The following NEIL3 variants were observed in gnomAD, a reference collection of about 807,000 sequenced individuals.
The protein encoded by NEIL3 is nei like DNA glycosylase 3, also known as endonuclease 8-like 3.
Under a neutral mutation model 57.5 loss-of-function variants are expected in NEIL3, and 48 were observed. The ratio of observed to expected loss-of-function variants is 0.83; its 90% CI spans 0.66 to 1.06. The LOEUF is 1.06. Among genes scored for constraint, NEIL3 ranks in the 50% least tolerant of loss-of-function variants. The pLI, the probability that NEIL3 is intolerant of heterozygous loss-of-function variation, is 0.00. For missense variants in NEIL3, 717 were observed against 739.1 expected (o/e 0.97, Z 0.35); for synonymous variants, 261 against 253.2 (o/e 1.03, Z -0.29).
chr4:177,321,976 T>C (rs887612373), intron 1 of NEIL3, among the ~76,000 whole-genome samples: 6 of 152,246 alleles, frequency 3.9e-5, no homozygotes, highest in African/African-American at 1.4e-4. Context: ...TGACCTTTTA[T>C]TATTTCATAC....
chr4:177,348,978 C>G (rs1212309858), intron 6 of NEIL3, among the ~76,000 whole-genome samples: 1 of 146,970 alleles, frequency 6.8e-6, no homozygotes, highest in South Asian at 2.2e-4. Flanking sequence ...CGCCATTCTC[C>G]TGCCTCAGCC....
At chr4:177,341,859 C>T (rs1735100498) in intron 6 of NEIL3, among the ~76,000 whole-genome samples, 1 of 152,178 alleles carries the variant, frequency 6.6e-6, no homozygotes, top group Non-Finnish European at 1.5e-5. Context: ...GGTGGAAAAT[C>T]TCTGGCTCAG....
At chr4:177,365,524 A>G (rs4690383), downstream of NEIL3, among the ~76,000 whole-genome samples, 33,140 of 152,108 alleles carry the variant, frequency 0.22, 4,398 homozygotes, top group East Asian at 0.7. Flanking sequence ...AACCACCATC[A>G]GTCCCTCCAA....
At chr4:177,317,592 C>CTT (rs1734598609) in intron 1 of NEIL3, among the ~76,000 whole-genome samples, 10 of 79,040 alleles carry the variant, frequency 1.3e-4, no homozygotes, top group South Asian at 3.9e-4. Context: ...TTAGAACTTT[C>CTT]TTTTCTTTTT....
At chr4:177,328,377 C>CAAATGTCCCTCACACG (rs1276577375) in intron 2 of NEIL3, among the ~76,000 whole-genome samples, 1 of 152,090 alleles carries the variant, frequency 6.6e-6, no homozygotes, top group Non-Finnish European at 1.5e-5. Flanking sequence ...CAAACCAAAC[C>CAAATGTCCCTCACACG]AAATGTCCCT....
intron 2 of NEIL3, among the ~76,000 whole-genome samples, chr4:177,332,894 T>G (rs948987108): frequency 2.0e-5 from 3 of 152,200 alleles, no homozygotes; most frequent in African/African-American, 4.8e-5. Context: ...CTGGTTGCGT[T>G]GCAATCTCAT....
chr4:177,314,469 A>T (rs888590389), intron 1 of NEIL3, among the ~76,000 whole-genome samples: 3 of 152,160 alleles, frequency 2.0e-5, no homozygotes, highest in African/African-American at 7.2e-5. Context: ...CAGCATGTAA[A>T]ATTCTTAGCT....
chr4:177,356,304 A>G (rs1020666661), intron 8 of NEIL3, among the ~76,000 whole-genome samples: 1 of 152,216 alleles, frequency 6.6e-6, no homozygotes, highest in Non-Finnish European at 1.5e-5. Flanking sequence ...GCCATTAGTA[A>G]TAGGATCATA....
chr4:177,322,336 T>G, intron 1 of NEIL3, 123 bp from the exon 2 acceptor site: 4 of 1,262,012 alleles, frequency 3.2e-6, no homozygotes, highest in Non-Finnish European at 4.5e-6. Flanking sequence ...TGTTGGAGAT[T>G]ATTCTTCTCA....
At chr4:177,325,332 C>T (rs35955456) in intron 2 of NEIL3, among the ~76,000 whole-genome samples, 32,260 of 151,910 alleles carry the variant, frequency 0.21, 3,722 homozygotes, top group Non-Finnish European at 0.27. Flanking sequence ...TACTTTTACT[C>T]TGTATAATAC....
the NEIL3 span, among the ~76,000 whole-genome samples, chr4:177,369,727 A>C: frequency 1.3e-5 from 2 of 152,188 alleles, no homozygotes; most frequent in Non-Finnish European, 2.9e-5. Context: ...GACCTTGACC[A>C]TACGACCTCG....
chr4:177,351,682 T>C lies in NEIL3; in HGVS notation c.1039+133T>C, dbSNP rs1735356402. On this transcript the variant is annotated intron_variant, in intron 7 of 9. Coordinates refer to ENST00000264596, the MANE Select transcript of NEIL3 (RefSeq NM_018248.3). The stretch of plus-strand genomic sequence containing the variant: ...TTCTTTCTCAAAGGTTTAAAGGAAT[T>C]GCCAGTTTTCACATGTAAACCATGC... The C allele has an allele frequency of 6.8e-6, 5 of 733,748 alleles. No homozygotes were observed. In the East Asian group the frequency reaches 1.3e-4, roughly 19 times the overall value. The allele number at this position is 733,748 out of a possible 1,614,324, so 45.5% of individuals were successfully genotyped here. A position where few individuals can be genotyped will look rare whatever the true frequency, so the allele number is the denominator to read the frequency against.
chr4:177,353,510 G>A lies in NEIL3; in HGVS notation c.1242G>A (p.Glu414=), dbSNP rs747117298. The part of the protein sequence containing the change: ...RKTKQNQILD[E]EFQNSPPASV... ...CAAAGCAAAACCAGATACTAGATGAGGAGTTTCAAAACTCTCCTCCTGCTA... is the reference window on the plus strand; with the variant it reads ...CAAAGCAAAACCAGATACTAGATGAAGAGTTTCAAAACTCTCCTCCTGCTA... Residue 414 remains glutamate (E), a synonymous_variant, in exon 8 of 10, where the codon GAG becomes GAA. Coordinates refer to ENST00000264596, the MANE Select transcript of NEIL3 (RefSeq NM_018248.3). The A allele has an allele frequency of 1.2e-6, 2 of 1,613,410 alleles. No homozygotes were observed. Among genetic ancestry groups the A allele is most frequent in the East Asian group, 2.2e-5 (1 of 44,844 alleles).
intron 1 of NEIL3, among the ~76,000 whole-genome samples, chr4:177,319,604 C>T (rs576450828): frequency 2.6e-5 from 4 of 152,156 alleles, no homozygotes; most frequent in Admixed American, 6.5e-5. Context: ...TCCCTCACGC[C>T]CCTCTGTCCC....
chr4:177,364,038 G>T (rs1560925169), downstream of NEIL3, among the ~76,000 whole-genome samples: 1 of 152,186 alleles, frequency 6.6e-6, no homozygotes. Flanking sequence ...GAGCCACCAT[G>T]CCCGGCCTGA....
At chr4:177,362,187 A>T (rs1735618832) in intron 9 of NEIL3, 102 bp from the exon 10 acceptor site, 1 of 694,714 alleles carries the variant, frequency 1.4e-6, no homozygotes, top group Non-Finnish European at 2.2e-6. Context: ...TAATGATAAC[A>T]GCAGTGAAGA....
intron 2 of NEIL3, among the ~76,000 whole-genome samples, chr4:177,333,801 A>G (rs1734925589): frequency 6.6e-6 from 1 of 152,136 alleles, no homozygotes; most frequent in Non-Finnish European, 1.5e-5. Flanking sequence ...AAATTGACGA[A>G]CCCAGCTTGG....
chr4:177,323,289 T>C (rs1046374862), intron 2 of NEIL3, among the ~76,000 whole-genome samples: 1 of 152,236 alleles, frequency 6.6e-6, no homozygotes, highest in Non-Finnish European at 1.5e-5. Context: ...TTTTGCCAAC[T>C]GTAAAAATTG....
At chr4:177,311,667 T>C in intron 1 of NEIL3, among the ~76,000 whole-genome samples, 1 of 133,436 alleles carries the variant, frequency 7.5e-6, no homozygotes, top group East Asian at 2.2e-4. Context: ...AGAGCGAAAC[T>C]CTGTCTCAAA....
Sources: allele counts gnomAD v4.1 joint callset (sites outside exome capture counted in the v4.1 genomes callset), GRCh38; gene constraint gnomAD v4.1.1; transcripts MANE v1.5; gene names NCBI Gene and HGNC (gene_info 2026-07-23, HGNC 2026-07-21).